Variants in ADGRE2 observed in about 807,000 individuals in gnomAD.
ADGRE2 encodes adhesion G protein-coupled receptor E2, also known as CD97 antigen.
ADGRE2 carries 83 observed loss-of-function variants against 100.8 expected under a neutral mutation model. The ratio of observed to expected loss-of-function variants is 0.82; its 90% CI spans 0.69 to 0.99. The LOEUF (loss-of-function observed/expected upper bound fraction) is 0.99. Ranked by LOEUF, ADGRE2 falls within the 50% of genes least tolerant of loss-of-function variation. The pLI, the probability that ADGRE2 is intolerant of heterozygous loss-of-function variation, is 0.00. For synonymous variants in ADGRE2, 355 were observed against 413.0 expected, an observed-to-expected ratio of 0.86 and a Z score of 1.70; for missense variants, 814 against 1,035.7, an observed-to-expected ratio of 0.79 and a Z score of 2.94.
At chr19:14,754,439 T>TTATCTATCTATCTATC (rs58065037) in intron 14 of ADGRE2, among the ~76,000 whole-genome samples, 64 of 126,342 alleles carry the variant, frequency 5.1e-4, no homozygotes, top group Non-Finnish European at 6.1e-4. Context: ...CAGGCAGAAA[T>TTATCTATCTATCTATC]TATCTATCTA....
At chr19:14,761,314 G>A (rs1280004889) in intron 11 of ADGRE2, among the ~76,000 whole-genome samples, 1 of 152,142 alleles carries the variant, frequency 6.6e-6, no homozygotes, top group Non-Finnish European at 1.5e-5. Flanking sequence ...GCTGAGGCAG[G>A]AGAATCGCTT....
intron 20 of ADGRE2, among the ~76,000 whole-genome samples, chr19:14,740,632 A>T (rs983171008): frequency 9.9e-5 from 15 of 151,994 alleles, no homozygotes; most frequent in Non-Finnish European, 1.9e-4. Flanking sequence ...AAAAAAAAAA[A>T]AAAAAGAAAA....
intron 18 of ADGRE2, among the ~76,000 whole-genome samples, chr19:14,744,143 C>G (rs1249032000): frequency 6.6e-6 from 1 of 151,742 alleles, no homozygotes; most frequent in Non-Finnish European, 1.5e-5. Context: ...ACTCAGGAGG[C>G]TGGGGCAGTA....
In ADGRE2 at chr19:14,765,309, C is replaced by T. The variant is rs1198447134; in HGVS notation, c.906+11G>A. The T allele has an allele frequency of 2.5e-6, 4 of 1,614,078 alleles. No individual in the cohort carries two copies. Among genetic ancestry groups the T allele is most frequent in the East Asian group, 2.2e-5 (1 of 44,882 alleles). ...CCTGCCTCGCCCCCTTGCCCTGGGT[C>T]CTGTCCTTACCTGGATGGTGTTATT... is the stretch of plus-strand genomic sequence containing the variant. On this transcript the variant is annotated intron_variant, in intron 10 of 20. Transcript: ENST00000315576.
intron 6 of ADGRE2, 106 bp from the exon 7 acceptor site, chr19:14,766,487 C>G (rs2043983079): frequency 7.3e-7 from 1 of 1,365,400 alleles, no homozygotes; most frequent in African/African-American, 1.5e-5. Context: ...GACTGAAGAC[C>G]ATTATTGCAC....
At chr19:14,762,336 G>A (rs561644116) in intron 11 of ADGRE2, among the ~76,000 whole-genome samples, 1 of 152,036 alleles carries the variant, frequency 6.6e-6, no homozygotes, top group East Asian at 1.9e-4. Context: ...TAAATGCTAT[G>A]GCATGCATGA....
At chr19:14,775,519 T>C (rs752622545) in intron 2 of ADGRE2, among the ~76,000 whole-genome samples, 6 of 151,824 alleles carry the variant, frequency 4.0e-5, no homozygotes, top group Non-Finnish European at 8.8e-5. Context: ...TTGGGGGCTG[T>C]CTGGTGTGCC....
chr19:14,752,529 G>A lies in ADGRE2; in HGVS notation c.1591-3C>T. On this transcript the variant is annotated splice_region_variant and splice_polypyrimidine_tract_variant and intron_variant, in intron 14 of 20. Transcript: ENST00000315576. The stretch of plus-strand genomic sequence containing the variant: ...ACAGTCAGCACGGGATCCTCCTCCT[G>A]GGACCCGGAAAAGAAGAGTTCACAG... 1.9e-6 allele frequency: 3 copies of A among 1,613,744 alleles called. No individual in the cohort carries two copies. Among genetic ancestry groups the A allele is most frequent in the Middle Eastern group, 1.7e-4 (1 of 6,058 alleles).
intron 18 of ADGRE2, 126 bp downstream of exon 18, chr19:14,746,106 G>C: frequency 1.6e-6 from 1 of 644,736 alleles, no homozygotes; most frequent in Admixed American, 2.5e-5. Flanking sequence ...AAGGATGGCT[G>C]CGTCTGTTTT....
At chr19:14,754,928 A>C in intron 14 of ADGRE2, 26 bp downstream of exon 14, 1 of 1,603,810 alleles carries the variant, frequency 6.2e-7, no homozygotes, top group South Asian at 1.1e-5. Flanking sequence ...ATAAATGCAG[A>C]GTGCATCCCC....
chr19:14,733,855 A>G lies in ADGRE2; in HGVS notation c.*2381T>C, dbSNP rs975730917. 1 of 152,204 alleles carries G rather than the reference A, an allele frequency of 6.6e-6. No individual in the cohort carries two copies. The highest frequency in any genetic ancestry group is 1.5e-5 in the Non-Finnish European group (1 of 68,046). The allele number at this position is 152,204 out of a possible 1,614,324, so 9.4% of individuals were successfully genotyped here. ...GTTACTTCTGCACTATTTATAGAGA[A>G]GGAGAAATGGCTAAAAGTAGAGGTA... On this transcript the variant is annotated 3_prime_UTR_variant, in exon 21 of 21. Transcript: ENST00000315576.
chr19:14,774,372 T>C, intron 2 of ADGRE2, 66 bp from the exon 3 acceptor site: 3 of 1,361,798 alleles, frequency 2.2e-6, no homozygotes, highest in East Asian at 4.9e-5. Flanking sequence ...GTAAGGGTGA[T>C]GCACTTTGTG....
At chr19:14,765,255 C>T (rs1179927138) in intron 10 of ADGRE2, 65 bp downstream of exon 10, 2 of 1,586,716 alleles carry the variant, frequency 1.3e-6, no homozygotes, top group African/African-American at 1.3e-5. Flanking sequence ...CCCAAACTGC[C>T]CCAGGCCTCT....
In ADGRE2 at chr19:14,776,764, G is replaced by T. The variant is rs375166563; in HGVS notation, c.-8C>A. The T allele has an allele frequency of 6.2e-7, 1 of 1,613,398 alleles. No homozygotes were observed. Among genetic ancestry groups the T allele is most frequent in the East Asian group, 2.2e-5 (1 of 44,828 alleles). On this transcript the variant is annotated 5_prime_UTR_variant, in exon 2 of 21. The change creates a new upstream start codon in the 5' untranslated region. Transcript: ENST00000315576. ...AAAGACGCGGCCTCCCATGGTTCCAGCTGAGCTGCCGGCAGGAGCAGCAGG... is the reference window on the plus strand; with the variant it reads ...AAAGACGCGGCCTCCCATGGTTCCATCTGAGCTGCCGGCAGGAGCAGCAGG...
intron 4 of ADGRE2, among the ~76,000 whole-genome samples, chr19:14,773,080 C>CAAAAA (rs35688921): frequency 9.6e-3 from 431 of 44,940 alleles, no homozygotes; most frequent in Middle Eastern, 0.02. Context: ...GACTCCATCT[C>CAAAAA]AAAAAAAAAA....
intron 20 of ADGRE2, among the ~76,000 whole-genome samples, chr19:14,737,699 C>T (rs2042798313): frequency 6.6e-6 from 1 of 152,118 alleles, no homozygotes; most frequent in African/African-American, 2.4e-5. Flanking sequence ...TGGTGACTCA[C>T]ACCTGTAATC....
Position 14,755,044 on chromosome 19 carries a change from G to A in ADGRE2, c.1500C>T (p.Cys500=), listed in dbSNP as rs774906601. ...TGGTGTCTCTGGTGCCTATTGTGCTGCAGCCTGTGGTGGCCCAGTGACCAC... is the reference window on the plus strand; with the variant it reads ...TGGTGTCTCTGGTGCCTATTGTGCTACAGCCTGTGGTGGCCCAGTGACCAC... The part of the protein sequence containing the change: ...NGCGHWATTG[C]STIGTRDTST... Residue 500 remains cysteine, a synonymous_variant, in exon 14 of 21, where the codon TGC becomes TGT. Coordinates refer to ENST00000315576, the MANE Select transcript of ADGRE2 (RefSeq NM_013447.4). The A allele has an allele frequency of 6.2e-7, 1 of 1,614,100 alleles. No homozygotes were observed. The highest frequency in any genetic ancestry group is 8.5e-7 in the Non-Finnish European group (1 of 1,180,026).
intron 4 of ADGRE2, 105 bp downstream of exon 4, chr19:14,773,833 G>A: frequency 9.6e-7 from 1 of 1,037,918 alleles, no homozygotes; most frequent in Non-Finnish European, 1.5e-6. Flanking sequence ...ATGATAGTCT[G>A]GAAGGTAAGG....
At chr19:14,757,291 A>G (rs942998537) in intron 11 of ADGRE2, among the ~76,000 whole-genome samples, 4 of 152,208 alleles carry the variant, frequency 2.6e-5, no homozygotes, top group Non-Finnish European at 5.9e-5. Flanking sequence ...TAAGATAACA[A>G]TACTCCCCCA....
Sources: gnomAD v4.1 joint callset for allele counts (sites outside exome capture counted in the v4.1 genomes callset) on GRCh38, gnomAD v4.1.1 for gene constraint, MANE v1.5 for transcripts, NCBI Gene and HGNC (gene_info 2026-07-23, HGNC 2026-07-21) for gene names.